SGCD: variants seen among roughly 807,000 people sequenced by gnomAD.
The protein encoded by SGCD is sarcoglycan delta.
A neutral mutation model predicts 36.6 loss-of-function variants in SGCD; 18 were observed. That is an observed-to-expected ratio of 0.49 (90% confidence interval 0.34 to 0.73). The LOEUF is 0.73. SGCD is among the 30% of genes least tolerant of loss of function. The pLI, the probability that SGCD is intolerant of heterozygous loss-of-function variation, is 0.01. For missense variants in SGCD, 387 were observed against 346.7 expected, an observed-to-expected ratio of 1.12 and a Z score of -0.92; for synonymous variants, 133 against 130.6, an observed-to-expected ratio of 1.02 and a Z score of -0.12.
rs147653671 is a variant in SGCD at position 156,073,690 on chromosome 5, C to G, written c.-281-44188C>G. Among the ~76,000 whole-genome samples the G allele has an allele frequency of 7.2e-5, 11 of 152,312 alleles. No individual in the cohort carries two copies. The East Asian group carries it at 2.1e-3, about 29-fold the overall frequency. On this transcript the variant is annotated intron_variant, in intron 1 of 9. Transcript: ENST00000517913. ...TTAGGGCTGTGAGAAATTCAAGAGA[C>G]TAAGCCACATGTTCTCTACCCATGA... is the stretch of plus-strand genomic sequence containing the variant.
At chr5:155,752,449 G>A in the SGCD span, among the ~76,000 whole-genome samples, 1 of 152,056 alleles carries the variant, frequency 6.6e-6, no homozygotes, top group East Asian at 1.9e-4. Context: ...CTTTCCCTTG[G>A]TACCCCTCCT....
chr5:156,244,177 A>T (rs1765381726), intron 3 of SGCD, among the ~76,000 whole-genome samples: 1 of 152,222 alleles, frequency 6.6e-6, no homozygotes, highest in Non-Finnish European at 1.5e-5. Context: ...TCAAAGATGC[A>T]AACCTGAATC....
intron 3 of SGCD, among the ~76,000 whole-genome samples, chr5:156,187,806 G>A (rs189402643): frequency 4.7e-4 from 72 of 152,258 alleles, no homozygotes; most frequent in African/African-American, 1.7e-3. Flanking sequence ...ATTCATCTTG[G>A]CAAAACTGCT....
chr5:156,696,112 G>A (rs755572735), intron 7 of SGCD, among the ~76,000 whole-genome samples: 3 of 152,192 alleles, frequency 2.0e-5, no homozygotes, highest in Non-Finnish European at 4.4e-5. Context: ...CTGTTCATGT[G>A]GGGTCAGGAG....
chr5:156,410,266 T>C (rs1241600907), intron 3 of SGCD, among the ~76,000 whole-genome samples: 1 of 152,060 alleles, frequency 6.6e-6, no homozygotes, highest in Admixed American at 6.6e-5. Flanking sequence ...GAGGTCATTA[T>C]CCTAAGCAAA....
intron 3 of SGCD, among the ~76,000 whole-genome samples, chr5:156,229,297 T>TACACACATATATATATATATATATAA (rs757678815): frequency 5.0e-5 from 6 of 119,864 alleles, no homozygotes; most frequent in East Asian, 2.4e-4. Context: ...TATATATATA[T>TACACACATATATATATATATATATAA]ATAAAATTAG....
intron 1 of SGCD, among the ~76,000 whole-genome samples, chr5:155,967,778 C>T (rs929899792): frequency 6.6e-6 from 1 of 152,052 alleles, no homozygotes; most frequent in African/African-American, 2.4e-5. Flanking sequence ...CCTCGATCTC[C>T]TCAACCCATT....
chr5:156,138,928 G>A (rs557548456), intron 3 of SGCD, among the ~76,000 whole-genome samples: 2 of 152,232 alleles, frequency 1.3e-5, no homozygotes, highest in African/African-American at 2.4e-5. Context: ...TTCCCTGTTG[G>A]CTAATAATGT....
chr5:156,030,557 C>G (rs1184632292), intron 1 of SGCD, among the ~76,000 whole-genome samples: 3 of 152,196 alleles, frequency 2.0e-5, no homozygotes, highest in African/African-American at 7.2e-5. Context: ...AAATAAAGTT[C>G]TGTTATTTTA....
chr5:156,271,585 C>A (rs763023716), intron 3 of SGCD, among the ~76,000 whole-genome samples: 1 of 152,012 alleles, frequency 6.6e-6, no homozygotes, highest in Admixed American at 6.6e-5. Flanking sequence ...AATATTAAAA[C>A]TATTTACTGA....
At chr5:156,465,283 A>G (rs1259809084) in intron 3 of SGCD, among the ~76,000 whole-genome samples, 1 of 152,180 alleles carries the variant, frequency 6.6e-6, no homozygotes, top group Non-Finnish European at 1.5e-5. Context: ...CAGTGAAAAT[A>G]CAGATTAAAA....
intron 3 of SGCD, among the ~76,000 whole-genome samples, chr5:156,300,467 T>G (rs925122986): frequency 2.6e-5 from 4 of 152,110 alleles, no homozygotes; most frequent in African/African-American, 7.2e-5. Flanking sequence ...TTTATTCTAT[T>G]GTTGTCAGAG....
At chr5:156,543,553 C>T (rs1758437381) in intron 4 of SGCD, among the ~76,000 whole-genome samples, 1 of 152,192 alleles carries the variant, frequency 6.6e-6, no homozygotes, top group Non-Finnish European at 1.5e-5. Flanking sequence ...GGGCAAGTCA[C>T]TAATTCTCAT....
chr5:156,644,096 C>T (rs1763141295), intron 6 of SGCD, among the ~76,000 whole-genome samples: 1 of 152,122 alleles, frequency 6.6e-6, no homozygotes, highest in Non-Finnish European at 1.5e-5. Flanking sequence ...CTAAAGAGTA[C>T]ACTTAAGTAA....
intron 3 of SGCD, among the ~76,000 whole-genome samples, chr5:156,213,602 T>C (rs1764502842): frequency 6.6e-6 from 1 of 152,060 alleles, no homozygotes; most frequent in Non-Finnish European, 1.5e-5. Flanking sequence ...AGGGCTACTT[T>C]CAAACTTAAT....
chr5:156,177,978 A>C (rs1763513014), intron 3 of SGCD, among the ~76,000 whole-genome samples: 1 of 152,252 alleles, frequency 6.6e-6, no homozygotes, highest in South Asian at 2.1e-4. Context: ...GATTTAATAC[A>C]GTTAACCTAC....
chr5:156,466,223 A>G (rs564097633), intron 3 of SGCD, among the ~76,000 whole-genome samples: 47 of 152,314 alleles, frequency 3.1e-4, no homozygotes, highest in African/African-American at 1.0e-3. Context: ...CTGGCGAACT[A>G]TAGGGGAGGA....
chr5:156,726,573 C>T (rs1755783296), intron 7 of SGCD, among the ~76,000 whole-genome samples: 1 of 152,146 alleles, frequency 6.6e-6, no homozygotes. Context: ...GTTCTAATGG[C>T]CTATTCACCC....
intron 1 of SGCD, among the ~76,000 whole-genome samples, chr5:155,942,330 G>GTATCTATCTATC (rs1272237547): frequency 0.16 from 21,859 of 134,824 alleles, 2,179 homozygotes; most frequent in Non-Finnish European, 0.22. Context: ...ATGTATGTAT[G>GTATCTATCTATC]TATGTATCTA....
Sources: gnomAD v4.1 joint callset for allele counts (sites outside exome capture counted in the v4.1 genomes callset) on GRCh38, gnomAD v4.1.1 for gene constraint, MANE v1.5 for transcripts, NCBI Gene and HGNC (gene_info 2026-07-23, HGNC 2026-07-21) for gene names.